The following TAFA1 variants were observed in gnomAD, a reference collection of about 807,000 sequenced individuals.
TAFA1 encodes the protein TAFA chemokine like family member 1, also known as chemokine-like protein TAFA-1.
A neutral mutation model predicts 18.5 loss-of-function variants in TAFA1; 4 were observed. The ratio of observed to expected loss-of-function variants is 0.22; its 90% CI spans 0.11 to 0.49. TAFA1 has a LOEUF of 0.49. Among genes scored for constraint, TAFA1 ranks in the 20% least tolerant of loss-of-function variants. The pLI is 0.98. For missense variants in TAFA1, 147 were observed against 169.0 expected (o/e 0.87, Z 0.72); for synonymous variants, 56 against 55.2 (o/e 1.01, Z -0.06).
chr3:68,306,946 T>C (rs907784692), intron 2 of TAFA1, among the ~76,000 whole-genome samples: 2 of 152,192 alleles, frequency 1.3e-5, no homozygotes, highest in Non-Finnish European at 2.9e-5. Context: ...TTTCAAAACA[T>C]CAAAACCTGT....
intron 3 of TAFA1, among the ~76,000 whole-genome samples, chr3:68,453,900 T>G (rs1180460488): frequency 6.6e-6 from 1 of 152,162 alleles, no homozygotes; most frequent in African/African-American, 2.4e-5. Flanking sequence ...CCTCTCACCT[T>G]GACACTCTGC....
chr3:68,328,724 T>A (rs2068814095), intron 2 of TAFA1, among the ~76,000 whole-genome samples: 1 of 152,142 alleles, frequency 6.6e-6, no homozygotes, highest in Admixed American at 6.6e-5. Context: ...TACTCTTTAT[T>A]TTTTTATTCA....
chr3:68,467,591 C>T (rs554447650), intron 3 of TAFA1, among the ~76,000 whole-genome samples: 5 of 152,112 alleles, frequency 3.3e-5, no homozygotes, highest in Non-Finnish European at 7.4e-5. Context: ...GAATTTACAG[C>T]CAAGGAGCAG....
chr3:68,364,652 A>G (rs1408410172), intron 2 of TAFA1, among the ~76,000 whole-genome samples: 1 of 152,196 alleles, frequency 6.6e-6, no homozygotes, highest in African/African-American at 2.4e-5. Context: ...TAAGAAAAGC[A>G]TAGACTATAT....
intron 3 of TAFA1, among the ~76,000 whole-genome samples, chr3:68,447,735 T>C (rs1324713979): frequency 6.6e-6 from 1 of 152,224 alleles, no homozygotes; most frequent in East Asian, 1.9e-4. Context: ...TTTCATCTCT[T>C]GAGTGAACTG....
chr3:68,409,330 C>G (rs927841247), intron 2 of TAFA1, among the ~76,000 whole-genome samples: 2 of 152,078 alleles, frequency 1.3e-5, no homozygotes, highest in African/African-American at 4.8e-5. Context: ...ATGTCCCCAC[C>G]CAAATCACAT....
intron 2 of TAFA1, among the ~76,000 whole-genome samples, chr3:68,284,132 T>A (rs943685872): frequency 6.6e-6 from 1 of 152,216 alleles, no homozygotes; most frequent in Non-Finnish European, 1.5e-5. Context: ...GGAATCTTTC[T>A]CTTTCTGTGT....
chr3:68,140,680 A>C (rs2065658517), intron 2 of TAFA1, among the ~76,000 whole-genome samples: 2 of 152,202 alleles, frequency 1.3e-5, no homozygotes, highest in East Asian at 3.9e-4. Flanking sequence ...TGGGTATGAG[A>C]ATTCAGTGCA....
intron 2 of TAFA1, among the ~76,000 whole-genome samples, chr3:68,118,786 T>C (rs899471634): frequency 1.3e-5 from 2 of 152,240 alleles, no homozygotes; most frequent in African/African-American, 4.8e-5. Context: ...TTGATAGACA[T>C]TTGGGTCACT....
intron 3 of TAFA1, among the ~76,000 whole-genome samples, chr3:68,507,761 A>G (rs1308107526): frequency 6.6e-6 from 1 of 152,164 alleles, no homozygotes; most frequent in African/African-American, 2.4e-5. Flanking sequence ...CTCCACATGC[A>G]AAATGGCAAT....
chr3:68,301,321 T>C (rs1287845532), intron 2 of TAFA1, among the ~76,000 whole-genome samples: 1 of 152,200 alleles, frequency 6.6e-6, no homozygotes, highest in Non-Finnish European at 1.5e-5. Flanking sequence ...TCTTCATTTA[T>C]CTTGTTGGAG....
intron 3 of TAFA1, among the ~76,000 whole-genome samples, chr3:68,418,196 G>C (rs901966091): frequency 2.0e-5 from 3 of 152,122 alleles, no homozygotes; most frequent in Admixed American, 6.6e-5. Flanking sequence ...GAGCAATAAA[G>C]CTTTTAATCA....
At chr3:68,238,286 C>T (rs560092209) in intron 2 of TAFA1, among the ~76,000 whole-genome samples, 1 of 152,266 alleles carries the variant, frequency 6.6e-6, no homozygotes, top group Non-Finnish European at 1.5e-5. Context: ...CCAGGAAGAA[C>T]CTTCCTCCCT....
chr3:68,256,652 G>T (rs1474110610), intron 2 of TAFA1, among the ~76,000 whole-genome samples: 1 of 152,106 alleles, frequency 6.6e-6, no homozygotes, highest in Non-Finnish European at 1.5e-5. Context: ...TTGGCATTGT[G>T]TAAAATGTTA....
At chr3:68,125,653 G>T (rs576593081) in intron 2 of TAFA1, among the ~76,000 whole-genome samples, 3 of 152,234 alleles carry the variant, frequency 2.0e-5, no homozygotes, top group African/African-American at 7.2e-5. Flanking sequence ...CTTGTTAAAA[G>T]AATTTAACAA....
intron 2 of TAFA1, among the ~76,000 whole-genome samples, chr3:68,295,380 T>C (rs2068188614): frequency 6.6e-6 from 1 of 152,008 alleles, no homozygotes; most frequent in Non-Finnish European, 1.5e-5. Flanking sequence ...TCAGTGCTTT[T>C]ATCTTGACTC....
chr3:68,041,667 C>G (rs765130982), intron 2 of TAFA1, among the ~76,000 whole-genome samples: 29 of 152,208 alleles, frequency 1.9e-4, no homozygotes, highest in Non-Finnish European at 3.4e-4. Flanking sequence ...AGAAGCAGGA[C>G]AGTCAGCCAG....
intron 3 of TAFA1, among the ~76,000 whole-genome samples, chr3:68,475,953 G>A (rs1198887057): frequency 1.3e-5 from 2 of 152,140 alleles, no homozygotes; most frequent in Non-Finnish European, 2.9e-5. Flanking sequence ...CTGCATAAAT[G>A]TCTTCTTTTG....
intron 2 of TAFA1, chr3:68,145,030 C>T (rs977738442): frequency 3.1e-5 from 50 of 1,603,414 alleles, no homozygotes; most frequent in African/African-American, 4.0e-5. Flanking sequence ...TGGCAGAAAG[C>T]GCCTTTAGTT....
Sources: gnomAD v4.1 joint callset for allele counts (sites outside exome capture counted in the v4.1 genomes callset) on GRCh38, gnomAD v4.1.1 for gene constraint, MANE v1.5 for transcripts, NCBI Gene and HGNC (gene_info 2026-07-23, HGNC 2026-07-21) for gene names.